Variants in CSMD1 observed in about 807,000 individuals in gnomAD.
CSMD1 encodes the protein CUB and Sushi multiple domains 1.
CSMD1 carries 213 observed loss-of-function variants against 417.5 expected under a neutral mutation model. That is an observed-to-expected ratio of 0.51 (90% CI 0.46 to 0.57). The LOEUF is 0.57. CSMD1 is among the 20% of genes least tolerant of loss of function. The pLI is 0.00. For synonymous variants in CSMD1, 2,862 were observed against 1,736.8 expected, an observed-to-expected ratio of 1.65 and a Z score of -16.11; for missense variants, 6,923 against 4,529.7, an observed-to-expected ratio of 1.53 and a Z score of -15.17.
intron 5 of CSMD1, among the ~76,000 whole-genome samples, chr8:3,933,540 G>C (rs1810293358): frequency 6.6e-6 from 1 of 152,166 alleles, no homozygotes; most frequent in Admixed American, 6.5e-5. Context: ...TGAGAAGAAA[G>C]AGATGAGAGT....
chr8:4,496,936 G>A (rs1439245033), intron 2 of CSMD1, among the ~76,000 whole-genome samples: 1 of 152,142 alleles, frequency 6.6e-6, no homozygotes, highest in Non-Finnish European at 1.5e-5. Context: ...AGGCACAGAG[G>A]CTGGAGGAAG....
At chr8:4,901,937 T>G (rs973787030) in intron 1 of CSMD1, among the ~76,000 whole-genome samples, 3 of 152,172 alleles carry the variant, frequency 2.0e-5, no homozygotes, top group African/African-American at 7.2e-5. Flanking sequence ...AGTCAGATAT[T>G]GATCTTCACA....
intron 3 of CSMD1, among the ~76,000 whole-genome samples, chr8:4,163,174 G>A (rs767615478): frequency 9.9e-5 from 15 of 152,134 alleles, no homozygotes; most frequent in Non-Finnish European, 1.9e-4. Context: ...TGGCAACCAA[G>A]AATAAACCTT....
chr8:4,420,828 C>T lies in CSMD1; in HGVS notation c.303-763G>A, dbSNP rs77807111. ...AGAATACCCACATTCTGGTAAGTAGCTTATTTTTTATGTTATAAAATCCAC... is the reference window on the plus strand; with the variant it reads ...AGAATACCCACATTCTGGTAAGTAGTTTATTTTTTATGTTATAAAATCCAC... On this transcript the variant is annotated intron_variant, in intron 2 of 69. Transcript: ENST00000635120. Among the ~76,000 whole-genome samples the T allele has an allele frequency of 9.8e-3, 1,485 of 152,236 alleles. 52 individuals carry two copies. The highest frequency in any genetic ancestry group is 0.062 in the Admixed American group (949 of 15,270).
intron 6 of CSMD1, among the ~76,000 whole-genome samples, chr8:3,721,152 AGGT>A (rs1802145703): frequency 6.6e-6 from 1 of 152,130 alleles, no homozygotes; most frequent in Non-Finnish European, 1.5e-5. Context: ...TGGGAAGATC[AGGT>A]GGTCCTGAAA....
At chr8:4,411,925 A>T (rs1263635651) in intron 3 of CSMD1, among the ~76,000 whole-genome samples, 3 of 152,062 alleles carry the variant, frequency 2.0e-5, no homozygotes, top group Non-Finnish European at 4.4e-5. Flanking sequence ...GACTAAAAGG[A>T]ATTATTTTTA....
At chr8:3,716,602 T>A (rs899431707) in intron 6 of CSMD1, among the ~76,000 whole-genome samples, 1 of 152,176 alleles carries the variant, frequency 6.6e-6, no homozygotes, top group South Asian at 2.1e-4. Context: ...TACTGCAACC[T>A]ATTTCATCAG....
At chr8:4,379,055 G>C (rs1457640755) in intron 3 of CSMD1, among the ~76,000 whole-genome samples, 2 of 152,126 alleles carry the variant, frequency 1.3e-5, no homozygotes, top group Non-Finnish European at 2.9e-5. Context: ...GGAAAAAAAA[G>C]GAATTTTATA....
rs1563361842 is a variant in CSMD1 at position 3,411,949 on chromosome 8, TATATAC to T, written c.1562-2350_1562-2345del. Among the ~76,000 whole-genome samples the T allele has an allele frequency of 1.5e-3, 120 of 81,636 alleles. 15 individuals are homozygous for T. The highest frequency in any genetic ancestry group is 4.3e-3 in the African/African-American group (89 of 20,742). The allele number at this position is 81,636 out of a possible 152,430, so 53.6% of individuals were successfully genotyped here. ...ATATATACACGTATATATGCACGTA[TATATAC>T]ACGTATATATGCACGTATATATACA... is the stretch of plus-strand genomic sequence containing the variant. On this transcript the variant is annotated intron_variant, in intron 12 of 69. Transcript: ENST00000635120.
chr8:3,708,990 G>A (rs561299319), intron 6 of CSMD1, among the ~76,000 whole-genome samples: 1 of 152,144 alleles, frequency 6.6e-6, no homozygotes, highest in African/African-American at 2.4e-5. Flanking sequence ...GGAAAGGCAT[G>A]CTCTACGTGC....
At chr8:3,776,586 G>C (rs1228733629) in intron 5 of CSMD1, among the ~76,000 whole-genome samples, 2 of 151,992 alleles carry the variant, frequency 1.3e-5, no homozygotes, top group Non-Finnish European at 2.9e-5. Context: ...TTCTTCCTAC[G>C]GGACTTTTGT....
At chr8:4,369,460 A>G (rs759085711) in intron 3 of CSMD1, among the ~76,000 whole-genome samples, 3 of 152,228 alleles carry the variant, frequency 2.0e-5, no homozygotes, top group African/African-American at 7.2e-5. Flanking sequence ...CTGACGTATA[A>G]TTAGTCAAGT....
chr8:4,308,743 G>C (rs76131366), intron 3 of CSMD1, among the ~76,000 whole-genome samples: 2 of 152,176 alleles, frequency 1.3e-5, no homozygotes, highest in Non-Finnish European at 2.9e-5. Context: ...AGATGTGTAA[G>C]ACTGGCTGTT....
intron 3 of CSMD1, among the ~76,000 whole-genome samples, chr8:4,099,915 C>T (rs942232765): frequency 5.3e-5 from 8 of 152,098 alleles, no homozygotes; most frequent in Non-Finnish European, 1.2e-4. Context: ...ACTTTTCTAA[C>T]AAAAAATCAA....
intron 10 of CSMD1, among the ~76,000 whole-genome samples, chr8:3,544,136 G>T (rs184441632): frequency 2.0e-4 from 31 of 152,234 alleles, no homozygotes; most frequent in Admixed American, 1.8e-3. Context: ...AGCCTGGGAC[G>T]TGCTGGGCTG....
rs1234783004 is a variant in CSMD1, at chr8:4,637,533, C to G, written c.111G>C (p.Gln37His). ...GGCTCTCAATAGTGCCATTGGGACC[C>G]TGGACTAAGCCTCCACAGTTCTGAC... is the stretch of plus-strand genomic sequence containing the variant. ...AKGQNCGGLV[Q>H]GPNGTIESPG... is the part of the protein sequence containing the mutation. The change falls in exon 2 of 70, where the codon CAG (glutamine) becomes CAC (histidine). Residue 37 changes from glutamine to histidine, a missense_variant. Transcript: ENST00000635120. 7.4e-6 allele frequency: 12 copies of G among 1,613,582 alleles called. No homozygotes were observed. Among genetic ancestry groups the G allele is most frequent in the Non-Finnish European group, 1.0e-5 (12 of 1,179,764 alleles).
intron 26 of CSMD1, among the ~76,000 whole-genome samples, chr8:3,247,904 C>A (rs768053002): frequency 6.6e-6 from 1 of 152,150 alleles, no homozygotes; most frequent in Non-Finnish European, 1.5e-5. Context: ...TTTCATAGTT[C>A]CAGAAGGGAA....
At chr8:3,293,492 T>C (rs577546063) in intron 25 of CSMD1, among the ~76,000 whole-genome samples, 6 of 152,332 alleles carry the variant, frequency 3.9e-5, no homozygotes, top group African/African-American at 1.4e-4. Context: ...TCTTTTCACA[T>C]AGTCCCATAT....
intron 3 of CSMD1, among the ~76,000 whole-genome samples, chr8:4,253,402 A>G (rs1055024154): frequency 6.6e-5 from 10 of 150,780 alleles, no homozygotes; most frequent in Non-Finnish European, 2.9e-5. Flanking sequence ...ATAATCTCAA[A>G]TTTATATATT....
Sources: allele counts gnomAD v4.1 joint callset (sites outside exome capture counted in the v4.1 genomes callset), GRCh38; gene constraint gnomAD v4.1.1; transcripts MANE v1.5; gene names NCBI Gene and HGNC (gene_info 2026-07-23, HGNC 2026-07-21).